The following DENND1B variants were observed in gnomAD, a reference collection of about 807,000 sequenced individuals.
DENND1B encodes DENN domain-containing protein 1B.
In DENND1B, 59 loss-of-function variants were observed where a neutral mutation model predicts 90.1. The ratio of observed to expected loss-of-function variants is 0.65; its 90% confidence interval spans 0.53 to 0.81. The LOEUF (loss-of-function observed/expected upper bound fraction) is 0.81, where lower values mean the gene tolerates loss of function less well. Ranked by LOEUF, DENND1B falls within the 40% of genes least tolerant of loss-of-function variation. The pLI, the probability that DENND1B is intolerant of heterozygous loss-of-function variation, is 0.00. For missense variants in DENND1B, 862 were observed against 912.6 expected, an observed-to-expected ratio of 0.94 and a Z score of 0.71; for synonymous variants, 337 against 324.6, an observed-to-expected ratio of 1.04 and a Z score of -0.41.
At chr1:197,680,678 T>C (rs1015949197) in intron 3 of DENND1B, among the ~76,000 whole-genome samples, 17 of 152,156 alleles carry the variant, frequency 1.1e-4, no homozygotes, top group Non-Finnish European at 2.2e-4. Flanking sequence ...AAAATTATAT[T>C]CTTAGATTTA....
intron 20 of DENND1B, among the ~76,000 whole-genome samples, chr1:197,515,126 C>T (rs948442335): frequency 6.6e-6 from 1 of 151,498 alleles, no homozygotes; most frequent in African/African-American, 2.4e-5. Context: ...ATTTATGGAA[C>T]CTATAGGACT....
chr1:197,749,020 G>A (rs924543743), intron 2 of DENND1B, among the ~76,000 whole-genome samples: 1 of 151,942 alleles, frequency 6.6e-6, no homozygotes, highest in Non-Finnish European at 1.5e-5. Flanking sequence ...CACTGTATGG[G>A]CTTAACAGCA....
At chr1:197,751,441 T>C (rs755197494) in intron 2 of DENND1B, among the ~76,000 whole-genome samples, 25 of 152,112 alleles carry the variant, frequency 1.6e-4, no homozygotes, top group Admixed American at 1.4e-3. Context: ...TGCTTAAAAG[T>C]CAATTTACAC....
intron 20 of DENND1B, among the ~76,000 whole-genome samples, chr1:197,539,407 T>C (rs139057238): frequency 1.3e-5 from 2 of 152,202 alleles, no homozygotes; most frequent in East Asian, 3.9e-4. Context: ...AGAGCCTTCA[T>C]AAATGTACTT....
intron 9 of DENND1B, among the ~76,000 whole-genome samples, chr1:197,645,020 T>C (rs1296395409): frequency 6.6e-6 from 1 of 152,138 alleles, no homozygotes; most frequent in South Asian, 2.1e-4. Flanking sequence ...AAAAGCATAT[T>C]TGTTACTTCT....
At chr1:197,568,211 A>G (rs142805957) in intron 15 of DENND1B, among the ~76,000 whole-genome samples, 24 of 152,312 alleles carry the variant, frequency 1.6e-4, no homozygotes, top group Non-Finnish European at 2.2e-4. Context: ...GTATACATTA[A>G]TAACTATCCA....
chr1:197,650,680 C>T (rs1427228896), intron 7 of DENND1B, among the ~76,000 whole-genome samples: 1 of 152,170 alleles, frequency 6.6e-6, no homozygotes, highest in Non-Finnish European at 1.5e-5. Flanking sequence ...GAATACTACT[C>T]AGCCGTAAAA....
chr1:197,537,086 C>T (rs1669968495), intron 20 of DENND1B, among the ~76,000 whole-genome samples: 1 of 151,688 alleles, frequency 6.6e-6, no homozygotes, highest in Non-Finnish European at 1.5e-5. Flanking sequence ...ATATATTTAC[C>T]TATTTATATA....
At chr1:197,738,938 A>T (rs2102355178) in intron 2 of DENND1B, among the ~76,000 whole-genome samples, 1 of 152,330 alleles carries the variant, frequency 6.6e-6, no homozygotes, top group Admixed American at 6.5e-5. Context: ...TCCTGAGATG[A>T]GGTTGGAAGG....
chr1:197,749,841 G>GTTGT (rs960115888), intron 2 of DENND1B, among the ~76,000 whole-genome samples: 9 of 151,684 alleles, frequency 5.9e-5, no homozygotes, highest in East Asian at 3.9e-4. Flanking sequence ...TTTTTTTGTT[G>GTTGT]TTGTTTGTTT....
At chr1:197,680,753 T>C (rs1175315273) in intron 3 of DENND1B, among the ~76,000 whole-genome samples, 3 of 152,158 alleles carry the variant, frequency 2.0e-5, no homozygotes, top group Non-Finnish European at 4.4e-5. Context: ...CATATCAAAG[T>C]AGCCAAGTGT....
chr1:197,749,694 G>A (rs1319665556), intron 2 of DENND1B, among the ~76,000 whole-genome samples: 4 of 151,952 alleles, frequency 2.6e-5, no homozygotes, highest in Non-Finnish European at 5.9e-5. Flanking sequence ...AAGAATGCAA[G>A]AAATGGTAAA....
intron 2 of DENND1B, among the ~76,000 whole-genome samples, chr1:197,772,128 G>C (rs1012993179): frequency 6.6e-6 from 1 of 152,116 alleles, no homozygotes; most frequent in Non-Finnish European, 1.5e-5. Flanking sequence ...TGCATTCTGC[G>C]TTCTGGAAAC....
chr1:197,548,881 G>A (rs914421316), intron 16 of DENND1B, among the ~76,000 whole-genome samples: 3 of 152,068 alleles, frequency 2.0e-5, no homozygotes, highest in African/African-American at 7.2e-5. Context: ...TTGCTTCGAT[G>A]TTATGAAAAC....
intron 20 of DENND1B, among the ~76,000 whole-genome samples, chr1:197,517,062 C>T (rs1056337200): frequency 6.6e-6 from 1 of 151,838 alleles, no homozygotes; most frequent in African/African-American, 2.4e-5. Context: ...CACCACTACA[C>T]TCAGAGCTCT....
chr1:197,774,367 T>C (rs1657001137), intron 1 of DENND1B: 1 of 152,116 alleles, frequency 6.6e-6, no homozygotes, highest in Non-Finnish European at 1.5e-5. Flanking sequence ...TAGTAAAGGG[T>C]GGGTAAGCGA....
intron 15 of DENND1B, among the ~76,000 whole-genome samples, chr1:197,569,563 T>C (rs1316082390): frequency 6.8e-6 from 1 of 148,058 alleles, no homozygotes; most frequent in Admixed American, 6.7e-5. Flanking sequence ...AAATGTGGTA[T>C]ACACACACAC....
intron 10 of DENND1B, among the ~76,000 whole-genome samples, chr1:197,635,450 C>T (rs142570636): frequency 0.015 from 2,275 of 152,182 alleles, 27 homozygotes; most frequent in Non-Finnish European, 0.018. Flanking sequence ...AATCCTCCCA[C>T]CTCAGCCTCC....
chr1:197,762,487 T>C (rs1404993017), intron 2 of DENND1B, among the ~76,000 whole-genome samples: 2 of 152,208 alleles, frequency 1.3e-5, no homozygotes, highest in East Asian at 1.9e-4. Flanking sequence ...TACATATAGA[T>C]AGTAAAATGG....
Sources: allele counts gnomAD v4.1 joint callset (sites outside exome capture counted in the v4.1 genomes callset), GRCh38; gene constraint gnomAD v4.1.1; transcripts MANE v1.5; gene names NCBI Gene and HGNC (gene_info 2026-07-23, HGNC 2026-07-21).